The following ZBTB38 variants were observed in gnomAD, a reference collection of about 807,000 sequenced individuals.
The protein encoded by ZBTB38 is zinc finger and BTB domain containing 38, also known as zinc finger and BTB domain-containing protein 38.
ZBTB38 carries 20 observed loss-of-function variants against 76.8 expected under a neutral mutation model. The observed-to-expected ratio is 0.26, with a 90% CI of 0.18 to 0.38. ZBTB38 has a LOEUF of 0.38. Among genes scored for constraint, ZBTB38 ranks in the 10% least tolerant of loss-of-function variants. The pLI, the probability that ZBTB38 is intolerant of heterozygous loss-of-function variation, is 1.00. For synonymous variants in ZBTB38, 504 were observed against 544.2 expected (o/e 0.93, Z 1.03); for missense variants, 1,082 against 1,482.3 (o/e 0.73, Z 4.43).
chr3:141,430,255 T>C (rs2077211573), intron 5 of ZBTB38, among the ~76,000 whole-genome samples: 1 of 151,978 alleles, frequency 6.6e-6, no homozygotes, highest in Admixed American at 6.6e-5. Flanking sequence ...TTAGTAGAGA[T>C]GGGGTTTTGC....
chr3:141,439,587 A>G (rs893987620), intron 5 of ZBTB38, among the ~76,000 whole-genome samples: 2 of 152,226 alleles, frequency 1.3e-5, no homozygotes, highest in Middle Eastern at 3.2e-3. Flanking sequence ...AATCTGAGTC[A>G]GGACACCCTA....
chr3:141,425,566 A>G (rs55788564), intron 5 of ZBTB38, among the ~76,000 whole-genome samples: 4,288 of 152,256 alleles, frequency 0.028, 83 homozygotes, highest in Non-Finnish European at 0.045. Context: ...GCACCGAGGG[A>G]CATGCCCAGC....
intron 4 of ZBTB38, chr3:141,403,003 C>G (rs771187864): frequency 6.6e-5 from 10 of 152,384 alleles, no homozygotes; most frequent in Middle Eastern, 3.4e-3. Flanking sequence ...GTCTCAGCCG[C>G]CTACTTCTGC....
rs1244323964 is a variant in ZBTB38, at chr3:141,443,831, T to C, written c.1443T>C (p.Val481=). ...TLSSLRRHAN[V]HSWRRTYPCH... is the part of the protein sequence containing the mutation. ...CTAGCCTCCGAAGACATGCAAATGT[T>C]CACTCCTGGAGAAGAACATATCCTT... The change falls in exon 6 of 6, where the codon GTT becomes GTC. Residue 481 remains valine, a synonymous_variant. Transcript: ENST00000321464. The surrounding 1 kb of genome is among the most constrained non-coding windows in gnomAD (Gnocchi z 5.6). The C allele has an allele frequency of 6.2e-7, 1 of 1,614,020 alleles. No individual in the cohort carries two copies. Among genetic ancestry groups the C allele is most frequent in the South Asian group, 1.1e-5 (1 of 91,082 alleles).
chr3:141,356,838 A>T (rs1943676743), intron 1 of ZBTB38, among the ~76,000 whole-genome samples: 1 of 152,240 alleles, frequency 6.6e-6, no homozygotes, highest in Non-Finnish European at 1.5e-5. Flanking sequence ...TATTCTATAT[A>T]AGTGTCTTAG....
At chr3:141,379,765 CAGGCTAAACTT>C (rs1436726399) in intron 2 of ZBTB38, among the ~76,000 whole-genome samples, 1 of 152,228 alleles carries the variant, frequency 6.6e-6, no homozygotes. Context: ...GCTACTTCAG[CAGGCTAAACTT>C]AGTCAATTGA....
intron 1 of ZBTB38, among the ~76,000 whole-genome samples, chr3:141,334,661 T>C (rs756082011): frequency 1.3e-5 from 2 of 152,068 alleles, no homozygotes; most frequent in Non-Finnish European, 2.9e-5. Context: ...GCAGGGACTG[T>C]CCTGTGGTCT....
intron 5 of ZBTB38, among the ~76,000 whole-genome samples, chr3:141,429,227 C>A (rs200476172): frequency 2.5e-4 from 38 of 151,452 alleles, no homozygotes; most frequent in Non-Finnish European, 4.9e-4. Context: ...CAGGGGAAGG[C>A]GGCAGGTTGC....
intron 1 of ZBTB38, among the ~76,000 whole-genome samples, chr3:141,346,848 C>T (rs1010522535): frequency 6.7e-6 from 1 of 150,334 alleles, no homozygotes; most frequent in African/African-American, 2.5e-5. Context: ...AAGGCCAAAC[C>T]TCAAGCTTTC....
intron 3 of ZBTB38, among the ~76,000 whole-genome samples, chr3:141,383,986 G>A (rs1327169802): frequency 1.3e-5 from 2 of 152,176 alleles, no homozygotes; most frequent in African/African-American, 4.8e-5. Flanking sequence ...AGTAATTCAG[G>A]CATGGGCATG....
chr3:141,384,986 A>C (rs1399547467), intron 3 of ZBTB38: 3 of 152,340 alleles, frequency 2.0e-5, no homozygotes, highest in East Asian at 3.9e-4. Context: ...GCTCTGGGGC[A>C]GGAGATAGCA....
chr3:141,404,518 C>T (rs72988361), intron 5 of ZBTB38, among the ~76,000 whole-genome samples: 4,465 of 152,244 alleles, frequency 0.029, 203 homozygotes, highest in African/African-American at 0.1. Context: ...CCCCGGGACA[C>T]TTGCAGCTGT....
chr3:141,440,000 C>A (rs911031249), intron 5 of ZBTB38, among the ~76,000 whole-genome samples: 1 of 152,166 alleles, frequency 6.6e-6, no homozygotes, highest in Admixed American at 6.5e-5. Context: ...CGGGGTCACC[C>A]TTTCTCCCTT....
At chr3:141,327,069 G>A (rs1196486293) in intron 1 of ZBTB38, among the ~76,000 whole-genome samples, 2 of 152,170 alleles carry the variant, frequency 1.3e-5, no homozygotes, top group Non-Finnish European at 2.9e-5. Flanking sequence ...CCCATAAAAG[G>A]TCCCTGTAAA....
At chr3:141,335,941 A>G (rs114527040) in intron 1 of ZBTB38, among the ~76,000 whole-genome samples, 108 of 152,358 alleles carry the variant, frequency 7.1e-4, no homozygotes, top group African/African-American at 2.5e-3. Flanking sequence ...TGAATGTATG[A>G]ACCACAAGTG....
At chr3:141,390,435 T>G (rs1252948001) in intron 4 of ZBTB38, among the ~76,000 whole-genome samples, 1 of 152,214 alleles carries the variant, frequency 6.6e-6, no homozygotes, top group Non-Finnish European at 1.5e-5. Flanking sequence ...TATAAAATAC[T>G]ATAATATTTA....
intron 1 of ZBTB38, among the ~76,000 whole-genome samples, chr3:141,362,783 G>A (rs186169286): frequency 1.3e-5 from 2 of 152,134 alleles, no homozygotes; most frequent in East Asian, 3.9e-4. Context: ...GATGCTGAGG[G>A]GAATTGAAGG....
chr3:141,406,590 G>A (rs1174080271), intron 5 of ZBTB38, among the ~76,000 whole-genome samples: 4 of 152,166 alleles, frequency 2.6e-5, no homozygotes, highest in Non-Finnish European at 5.9e-5. Context: ...AGAAGGCCAG[G>A]GCTCATTTGG....
intron 1 of ZBTB38, among the ~76,000 whole-genome samples, chr3:141,329,612 G>A (rs1331832901): frequency 6.6e-6 from 1 of 152,242 alleles, no homozygotes; most frequent in Non-Finnish European, 1.5e-5. Context: ...ATGTAGCAGT[G>A]ATATTAAGGG....
Sources: gnomAD v4.1 joint callset for allele counts (sites outside exome capture counted in the v4.1 genomes callset) on GRCh38, gnomAD v4.1.1 for gene constraint, Gnocchi (gnomAD v3.1) non-coding constraint, MANE v1.5 for transcripts, NCBI Gene and HGNC (gene_info 2026-07-23, HGNC 2026-07-21) for gene names.